Variants in ARAP2 observed in about 807,000 individuals in gnomAD.
ARAP2 encodes the protein ArfGAP with RhoGAP domain, ankyrin repeat and PH domain 2, also known as arf-GAP with Rho-GAP domain, ANK repeat and PH domain-containing protein 2.
Under a neutral mutation model 194.5 loss-of-function variants are expected in ARAP2, and 148 were observed. The observed-to-expected ratio is 0.76, with a 90% confidence interval of 0.67 to 0.87. The LOEUF is 0.87. ARAP2 is among the 40% of genes least tolerant of loss of function. The pLI is 0.00. For missense variants in ARAP2, 2,128 were observed against 1,989.7 expected, an observed-to-expected ratio of 1.07 and a Z score of -1.32; for synonymous variants, 695 against 683.5, an observed-to-expected ratio of 1.02 and a Z score of -0.26.
chr4:36,223,997 A>G (rs1409141229), intron 2 of ARAP2, among the ~76,000 whole-genome samples: 1 of 152,068 alleles, frequency 6.6e-6, no homozygotes, highest in African/African-American at 2.4e-5. Flanking sequence ...AAAAGAAGAG[A>G]AAGTAATGAA....
chr4:36,177,710 G>A lies in ARAP2; in HGVS notation c.1857+117C>T, dbSNP rs1368177313. 5 of 1,041,312 alleles carry A rather than the reference G, an allele frequency of 4.8e-6. 1 individual carries two copies. Among genetic ancestry groups the A allele is most frequent in the East Asian group, 5.3e-5 (2 of 37,652 alleles). The allele number at this position is 1,041,312 out of a possible 1,614,324, so 64.5% of individuals were successfully genotyped here. A position where few individuals can be genotyped will look rare whatever the true frequency, so the allele number is the denominator to read the frequency against. On this transcript the variant is annotated intron_variant, in intron 9 of 32. Coordinates refer to ENST00000303965, the MANE Select transcript of ARAP2 (RefSeq NM_015230.4). ...CTATTTCTTTGGTATATTTAGTGGA[G>A]TACACAATGCTAAAACAAGACTCTA... is the stretch of plus-strand genomic sequence containing the variant.
chr4:36,093,852 A>G (rs1714441781), intron 27 of ARAP2, among the ~76,000 whole-genome samples: 3 of 152,194 alleles, frequency 2.0e-5, no homozygotes, highest in Non-Finnish European at 4.4e-5. Context: ...CTCACCTGTA[A>G]GTCAGAACAT....
rs575645904 is a variant in ARAP2, at chr4:36,070,384, A to G, written c.4744-2106T>C. Among the ~76,000 whole-genome samples the G allele has an allele frequency of 1.4e-4, 21 of 152,332 alleles. No individual in the cohort carries two copies. The East Asian group carries it at 3.3e-3, about 24-fold the overall frequency. ...AAAGATTAGGCATTCATAATTTAAA[A>G]AGAGAGAGAGATAAAGTCTGAAAGT... On this transcript the variant is annotated intron_variant, in intron 32 of 32. Transcript: ENST00000303965.
chr4:36,058,927 C>G (rs1723965380), intron 1 of ARAP2, among the ~76,000 whole-genome samples: 1 of 152,086 alleles, frequency 6.6e-6, no homozygotes, highest in Admixed American at 6.5e-5. Context: ...GATTGTCTGC[C>G]TGGCAAGGAG....
At chr4:36,146,851 C>T (rs553759078) in intron 19 of ARAP2, among the ~76,000 whole-genome samples, 1 of 152,028 alleles carries the variant, frequency 6.6e-6, no homozygotes, top group African/African-American at 2.4e-5. Context: ...CTTTAAGAGT[C>T]CCTGATGCAC....
At chr4:36,089,744 A>G (rs1267662534) in intron 28 of ARAP2, among the ~76,000 whole-genome samples, 1 of 152,050 alleles carries the variant, frequency 6.6e-6, no homozygotes, top group Non-Finnish European at 1.5e-5. Flanking sequence ...CCTTCATGTA[A>G]TGTCTGTTCT....
chr4:36,046,939 C>G (rs182835716), intron 3 of ARAP2: 1 of 152,118 alleles, frequency 6.6e-6, no homozygotes, highest in East Asian at 1.9e-4. Flanking sequence ...AATCTAAATA[C>G]TAACAATTTT....
chr4:36,030,797 GTT>G (rs34777330), intron 5 of ARAP2, among the ~76,000 whole-genome samples: 652 of 16,090 alleles, frequency 0.041, 24 homozygotes, highest in Admixed American at 0.12. Flanking sequence ...CATTGTCTAC[GTT>G]TTTTTTTTTT....
At chr4:36,112,965 T>C (rs375946439) in intron 26 of ARAP2, among the ~76,000 whole-genome samples, 1 of 151,944 alleles carries the variant, frequency 6.6e-6, no homozygotes, top group South Asian at 2.1e-4. Flanking sequence ...TGAGAAAAGA[T>C]GGCAAAGGAT....
chr4:36,225,275 A>G (rs1750064237), intron 2 of ARAP2, among the ~76,000 whole-genome samples: 2 of 152,220 alleles, frequency 1.3e-5, no homozygotes, highest in Admixed American at 1.3e-4. Context: ...TATCCCAAGG[A>G]TAATACAATT....
intron 15 of ARAP2, among the ~76,000 whole-genome samples, chr4:36,152,385 A>C (rs550977344): frequency 6.6e-6 from 1 of 152,362 alleles, no homozygotes; most frequent in East Asian, 1.9e-4. Flanking sequence ...GAGTTTCTAA[A>C]ATATAAGAAA....
chr4:36,185,221 C>T (rs1740246617), intron 8 of ARAP2, among the ~76,000 whole-genome samples: 1 of 152,222 alleles, frequency 6.6e-6, no homozygotes, highest in African/African-American at 2.4e-5. Flanking sequence ...TTGCTGACCC[C>T]TACTCTGGGA....
intron 1 of ARAP2, among the ~76,000 whole-genome samples, chr4:36,241,242 C>T (rs1753445534): frequency 6.6e-6 from 1 of 152,162 alleles, no homozygotes; most frequent in African/African-American, 2.4e-5. Flanking sequence ...TCAGAATAGC[C>T]TACTGTGTTT....
intron 9 of ARAP2, among the ~76,000 whole-genome samples, chr4:36,174,540 A>C (rs73125385): frequency 0.02 from 3,017 of 152,304 alleles, 50 homozygotes; most frequent in African/African-American, 0.033. Flanking sequence ...GGCTTTAAGA[A>C]GAAAACTGAG....
chr4:36,093,106 C>G (rs1375806231), intron 27 of ARAP2, among the ~76,000 whole-genome samples: 4 of 152,008 alleles, frequency 2.6e-5, no homozygotes, highest in African/African-American at 9.7e-5. Flanking sequence ...AGGCAGGAAC[C>G]AAAAACCAAG....
chr4:36,090,418 TC>T (rs1713267342), intron 28 of ARAP2, among the ~76,000 whole-genome samples: 4 of 152,068 alleles, frequency 2.6e-5, no homozygotes, highest in Admixed American at 2.0e-4. Context: ...GTCAGCATCA[TC>T]CTGATACCAA....
intron 27 of ARAP2, among the ~76,000 whole-genome samples, chr4:36,095,586 G>A (rs1714937591): frequency 6.6e-6 from 1 of 152,102 alleles, no homozygotes; most frequent in East Asian, 1.9e-4. Context: ...CATAAAAAAG[G>A]GTAGCTCCTT....
intron 9 of ARAP2, among the ~76,000 whole-genome samples, chr4:36,174,448 A>T (rs1423251209): frequency 6.6e-6 from 1 of 152,152 alleles, no homozygotes; most frequent in Admixed American, 6.6e-5. Flanking sequence ...GTCAGTTTTT[A>T]CTATGCCATT....
chr4:36,133,133 G>T, intron 20 of ARAP2, 93 bp downstream of exon 20: 1 of 1,270,906 alleles, frequency 7.9e-7, no homozygotes, highest in Non-Finnish European at 1.1e-6. Context: ...AATATAAAGG[G>T]TTTTAACTCA....
Sources: gnomAD v4.1 joint callset for allele counts (sites outside exome capture counted in the v4.1 genomes callset) on GRCh38, gnomAD v4.1.1 for gene constraint, MANE v1.5 for transcripts, NCBI Gene and HGNC (gene_info 2026-07-23, HGNC 2026-07-21) for gene names.